The following ELF2 variants were observed in gnomAD, a reference collection of about 807,000 sequenced individuals.
ELF2 encodes ETS-related transcription factor Elf-2.
Under a neutral mutation model 54.8 loss-of-function variants are expected in ELF2, and 11 were observed. The ratio of observed to expected loss-of-function variants is 0.20; its 90% CI spans 0.13 to 0.33. ELF2 has a LOEUF of 0.33. Ranked by LOEUF, ELF2 falls within the 10% of genes least tolerant of loss-of-function variation. The probability of loss-of-function intolerance (pLI) is 1.00; values close to 1 mark genes in which losing one functional copy is unlikely to be tolerated. For synonymous variants in ELF2, 203 were observed against 245.1 expected, an observed-to-expected ratio of 0.83 and a Z score of 1.61; for missense variants, 513 against 703.0, an observed-to-expected ratio of 0.73 and a Z score of 3.06.
intron 3 of ELF2, among the ~76,000 whole-genome samples, chr4:139,132,164 C>T (rs989961450): frequency 3.9e-5 from 6 of 151,924 alleles, no homozygotes. Flanking sequence ...TATCAAAATA[C>T]TTTTTTCATT....
chr4:139,138,097 G>C (rs935631256), intron 2 of ELF2, among the ~76,000 whole-genome samples: 2 of 152,158 alleles, frequency 1.3e-5, no homozygotes, highest in African/African-American at 4.8e-5. Context: ...TACATAGGTA[G>C]TATTATGATA....
rs746105214 is a variant in ELF2, at chr4:139,061,835, G to A, written c.806+30C>T. The A allele has an allele frequency of 2.5e-6, 4 of 1,604,000 alleles. No homozygotes were observed. In the East Asian group the frequency reaches 6.7e-5, roughly 27 times the overall value. On this transcript the variant is annotated intron_variant, in intron 8 of 9. Coordinates refer to ENST00000686138, the MANE Select transcript of ELF2 (RefSeq NM_001331036.3). ...ACATATAAAGAAATACATAAATTTTGTTTGAATACTAGCTCATTTGAGTTT... is the reference window on the plus strand; with the variant it reads ...ACATATAAAGAAATACATAAATTTTATTTGAATACTAGCTCATTTGAGTTT...
intron 3 of ELF2, among the ~76,000 whole-genome samples, chr4:139,131,159 TA>T (rs1419396518): frequency 6.6e-6 from 1 of 152,248 alleles, no homozygotes; most frequent in African/African-American, 2.4e-5. Context: ...GATACCCAGT[TA>T]AATTTGAATT....
chr4:139,156,924 A>C (rs1740610310), intron 1 of ELF2, among the ~76,000 whole-genome samples: 1 of 152,114 alleles, frequency 6.6e-6, no homozygotes, highest in South Asian at 2.1e-4. Context: ...ATGAGCCACC[A>C]CACCCAGCCT....
chr4:139,063,345 TA>T (rs1208022372), intron 7 of ELF2, among the ~76,000 whole-genome samples: 1 of 152,154 alleles, frequency 6.6e-6, no homozygotes, highest in African/African-American at 2.4e-5. Flanking sequence ...TTACACCCAA[TA>T]GACGGAAGAT....
intron 4 of ELF2, among the ~76,000 whole-genome samples, chr4:139,120,433 AT>A (rs932917275): frequency 2.7e-4 from 41 of 152,018 alleles, no homozygotes; most frequent in Admixed American, 2.4e-3. Context: ...TGAAATACTA[AT>A]TGCATGGTAC....
At chr4:139,162,401 G>A (rs1741266598) in intron 1 of ELF2, among the ~76,000 whole-genome samples, 2 of 151,710 alleles carry the variant, frequency 1.3e-5, no homozygotes, top group African/African-American at 4.8e-5. Flanking sequence ...TGTGGTGATG[G>A]GTGCCTGTAA....
At chr4:139,116,610 A>T in intron 4 of ELF2, 1 of 927,066 alleles carries the variant, frequency 1.1e-6, no homozygotes, top group Non-Finnish European at 1.3e-6. Flanking sequence ...ATGAAATATA[A>T]AATTACAAAC....
chr4:139,090,980 C>A (rs1338145378), intron 4 of ELF2, among the ~76,000 whole-genome samples: 1 of 152,148 alleles, frequency 6.6e-6, no homozygotes, highest in Non-Finnish European at 1.5e-5. Context: ...GTCGCCCAGG[C>A]TGGAGTGCAG....
chr4:139,082,025 C>T (rs1731187997), intron 4 of ELF2, among the ~76,000 whole-genome samples: 1 of 152,036 alleles, frequency 6.6e-6, no homozygotes, highest in South Asian at 2.1e-4. Context: ...CTTTTCAAAC[C>T]AAAGACAGTC....
intron 1 of ELF2, among the ~76,000 whole-genome samples, chr4:139,156,849 G>T (rs1460566969): frequency 6.6e-6 from 1 of 151,914 alleles, no homozygotes; most frequent in African/African-American, 2.4e-5. Flanking sequence ...GGCCAGGCTG[G>T]TCTCGAACTC....
chr4:139,064,581 T>A (rs1728399284), intron 7 of ELF2, among the ~76,000 whole-genome samples: 1 of 152,088 alleles, frequency 6.6e-6, no homozygotes, highest in African/African-American at 2.4e-5. Flanking sequence ...TCTACTGACC[T>A]GAAAAAGCTG....
intron 4 of ELF2, chr4:139,084,426 C>T (rs1334815687): frequency 7.9e-7 from 1 of 1,267,190 alleles, no homozygotes; most frequent in Admixed American, 4.0e-5. Flanking sequence ...GGGGCAGGGG[C>T]GGCAGGGGCA....
chr4:139,087,346 C>T (rs1732081718), intron 4 of ELF2, among the ~76,000 whole-genome samples: 1 of 152,244 alleles, frequency 6.6e-6, no homozygotes, highest in Non-Finnish European at 1.5e-5. Context: ...AACTCCTTGC[C>T]TCAAGCAATC....
chr4:139,157,124 C>CTG (rs1740629376), intron 1 of ELF2, among the ~76,000 whole-genome samples: 1 of 152,156 alleles, frequency 6.6e-6, no homozygotes, highest in African/African-American at 2.4e-5. Flanking sequence ...CACACCTAGG[C>CTG]TACACAATAT....
At chr4:139,115,452 G>T (rs1198781541) in intron 4 of ELF2, 5 of 970,902 alleles carry the variant, frequency 5.1e-6, no homozygotes, top group Non-Finnish European at 3.7e-6. Flanking sequence ...GCTGGCTGGG[G>T]TTAGCTCGCC....
intron 4 of ELF2, among the ~76,000 whole-genome samples, chr4:139,124,331 G>T (rs1247048573): frequency 6.6e-6 from 1 of 152,196 alleles, no homozygotes; most frequent in East Asian, 1.9e-4. Flanking sequence ...GAAGAGGCTA[G>T]TAGCCCTAAG....
chr4:139,128,838 G>A (rs1737208312), intron 3 of ELF2, among the ~76,000 whole-genome samples: 1 of 151,572 alleles, frequency 6.6e-6, no homozygotes. Context: ...TGTTAATAAC[G>A]ACCAAATTCT....
At chr4:139,165,727 A>T (rs1487852833) in intron 1 of ELF2, among the ~76,000 whole-genome samples, 1 of 152,220 alleles carries the variant, frequency 6.6e-6, no homozygotes, top group African/African-American at 2.4e-5. Context: ...TCCACAAGGC[A>T]CTGGACCTTC....
Sources: gnomAD v4.1 joint callset for allele counts (sites outside exome capture counted in the v4.1 genomes callset) on GRCh38, gnomAD v4.1.1 for gene constraint, MANE v1.5 for transcripts, NCBI Gene and HGNC (gene_info 2026-07-23, HGNC 2026-07-21) for gene names.